Variants in CA10 observed in about 807,000 individuals in gnomAD.
CA10 encodes the protein carbonic anhydrase 10 (inactive).
CA10 carries 14 observed loss-of-function variants against 44.2 expected under a neutral mutation model. The observed-to-expected ratio is 0.32, with a 90% CI of 0.21 to 0.50. The LOEUF (loss-of-function observed/expected upper bound fraction) is 0.50. CA10 is among the 20% of genes least tolerant of loss of function. The pLI is 0.99. For synonymous variants in CA10, 159 were observed against 141.6 expected, an observed-to-expected ratio of 1.12 and a Z score of -0.87; for missense variants, 350 against 409.7, an observed-to-expected ratio of 0.85 and a Z score of 1.26.
At chr17:51,831,964 C>T (rs1466331059) in intron 3 of CA10, among the ~76,000 whole-genome samples, 2 of 152,120 alleles carry the variant, frequency 1.3e-5, no homozygotes, top group African/African-American at 4.8e-5. Context: ...CAAGCTTGCT[C>T]CCTCGTTGAC....
intron 4 of CA10, among the ~76,000 whole-genome samples, chr17:51,712,892 G>T (rs1915988034): frequency 6.6e-6 from 1 of 152,212 alleles, no homozygotes; most frequent in Admixed American, 6.5e-5. Flanking sequence ...TTCCATAAAG[G>T]CAGGAGGAGG....
chr17:51,730,472 A>G (rs1233348790), intron 4 of CA10, among the ~76,000 whole-genome samples: 1 of 152,200 alleles, frequency 6.6e-6, no homozygotes, highest in African/African-American at 2.4e-5. Context: ...CAGAAAATCA[A>G]CAGGGACTTA....
chr17:52,006,631 T>A (rs1985608044), intron 2 of CA10, among the ~76,000 whole-genome samples: 1 of 151,882 alleles, frequency 6.6e-6, no homozygotes, highest in African/African-American at 2.4e-5. Context: ...CACATAGCAT[T>A]TGAGTTTTAA....
intron 4 of CA10, among the ~76,000 whole-genome samples, chr17:51,690,059 T>A (rs1188614990): frequency 3.9e-5 from 6 of 152,052 alleles, no homozygotes; most frequent in African/African-American, 1.4e-4. Context: ...GTGATTCTCC[T>A]GCCTCAGTCT....
intron 3 of CA10, among the ~76,000 whole-genome samples, chr17:51,790,348 C>T (rs1297245629): frequency 1.3e-5 from 2 of 152,150 alleles, no homozygotes; most frequent in Non-Finnish European, 1.5e-5. Flanking sequence ...AACAGGATGA[C>T]ATGCCTGTTG....
intron 3 of CA10, among the ~76,000 whole-genome samples, chr17:51,834,975 A>G (rs1908421841): frequency 2.0e-5 from 3 of 152,120 alleles, no homozygotes; most frequent in Admixed American, 6.5e-5. Context: ...GGCCAGATAT[A>G]GTGTGAGGTT....
chr17:52,147,709 C>G (rs1293657283), intron 1 of CA10, among the ~76,000 whole-genome samples: 1 of 152,062 alleles, frequency 6.6e-6, no homozygotes, highest in Admixed American at 6.6e-5. Flanking sequence ...ACTTAAGAGC[C>G]AGTATCATTA....
At chr17:52,038,631 A>C (rs910977541) in intron 2 of CA10, among the ~76,000 whole-genome samples, 1 of 152,214 alleles carries the variant, frequency 6.6e-6, no homozygotes, top group Non-Finnish European at 1.5e-5. Context: ...GAGAGAAATC[A>C]GATCTGTCTC....
intron 2 of CA10, among the ~76,000 whole-genome samples, chr17:51,971,234 A>C (rs1035419174): frequency 6.6e-6 from 1 of 152,074 alleles, no homozygotes; most frequent in Non-Finnish European, 1.5e-5. Context: ...TCATTTTTAC[A>C]GGCACCTCCG....
intron 3 of CA10, among the ~76,000 whole-genome samples, chr17:51,831,681 G>T (rs993738225): frequency 2.8e-5 from 2 of 70,270 alleles, no homozygotes; most frequent in Non-Finnish European, 6.7e-5. Context: ...AGCAGCAGCA[G>T]CAGCAGCAGC....
intron 3 of CA10, among the ~76,000 whole-genome samples, chr17:51,797,879 C>T (rs1231896288): frequency 1.7e-5 from 2 of 116,476 alleles, no homozygotes; most frequent in Non-Finnish European, 1.8e-5. Context: ...AAAAAAAGAA[C>T]GAAATCTATA....
chr17:51,877,116 A>T (rs73989436), intron 3 of CA10, among the ~76,000 whole-genome samples: 15,116 of 152,156 alleles, frequency 0.099, 953 homozygotes, highest in African/African-American at 0.18. Flanking sequence ...CATGGTGGAC[A>T]TGTGTAGGAG....
chr17:52,090,885 T>TG lies in CA10; in HGVS notation c.62-18493dup, dbSNP rs1228784041. 3.9e-5 allele frequency among the ~76,000 whole-genome samples: 6 copies of TG among 152,242 alleles called. No individual in the cohort carries two copies. The South Asian group carries it at 1.0e-3, about 26-fold the overall frequency. ...TGGGCTTCTTTAAAGGAAAGATAAG[T>TG]GGATACCCCAGGGAAGTTACCATGA... On this transcript the variant is annotated intron_variant, in intron 1 of 8. Transcript: ENST00000451037.
intron 1 of CA10, among the ~76,000 whole-genome samples, chr17:52,094,590 TATACTC>T (rs1294368534): frequency 7.2e-5 from 11 of 152,280 alleles, no homozygotes; most frequent in Admixed American, 1.3e-4. Context: ...GTATCCAAAA[TATACTC>T]ATACGGTATC....
intron 4 of CA10, among the ~76,000 whole-genome samples, chr17:51,741,289 T>C (rs1395235584): frequency 6.6e-6 from 1 of 152,198 alleles, no homozygotes; most frequent in Non-Finnish European, 1.5e-5. Flanking sequence ...TGTTCAATCC[T>C]TTTGTGTCCT....
At chr17:51,875,966 A>G (rs1172473311) in intron 3 of CA10, among the ~76,000 whole-genome samples, 1 of 152,102 alleles carries the variant, frequency 6.6e-6, no homozygotes. Context: ...TGAGATTCAT[A>G]TATGCTATTG....
At chr17:52,048,837 A>G (rs1248105503) in intron 2 of CA10, among the ~76,000 whole-genome samples, 1 of 151,966 alleles carries the variant, frequency 6.6e-6, no homozygotes, top group Non-Finnish European at 1.5e-5. Flanking sequence ...GGCTACCAGG[A>G]GAGATGTGTA....
rs116264060 is a variant in CA10 at position 51,668,851 on chromosome 17, C to T, written c.466-15115G>A. ...GTTCTGGGTGGGCGTGGGCTCAGCG[C>T]GCCCACACTTGGAGCGGCCGGCCGG... On this transcript the variant is annotated intron_variant, in intron 4 of 8. Coordinates refer to ENST00000451037, the MANE Select transcript of CA10 (RefSeq NM_020178.5). Among the ~76,000 whole-genome samples the T allele has an allele frequency of 7.2e-3, 1,104 of 152,290 alleles. 11 individuals are homozygous for T. The highest frequency in any genetic ancestry group is 0.025 in the African/African-American group (1,026 of 41,548).
intron 3 of CA10, among the ~76,000 whole-genome samples, chr17:51,927,595 C>T (rs1024400902): frequency 6.6e-6 from 1 of 152,002 alleles, no homozygotes; most frequent in African/African-American, 2.4e-5. Context: ...TTCAAATTAC[C>T]AAGAATCTCA....
Sources: allele counts gnomAD v4.1 joint callset (sites outside exome capture counted in the v4.1 genomes callset), GRCh38; gene constraint gnomAD v4.1.1; transcripts MANE v1.5; gene names NCBI Gene and HGNC (gene_info 2026-07-23, HGNC 2026-07-21).